The following NAALADL2 variants were observed in gnomAD, a reference collection of about 807,000 sequenced individuals.
The protein encoded by NAALADL2 is N-acetylated alpha-linked acidic dipeptidase like 2, also known as inactive N-acetylated-alpha-linked acidic dipeptidase-like protein 2.
In NAALADL2, 76 loss-of-function variants were observed where a neutral mutation model predicts 87.2. The ratio of observed to expected loss-of-function variants is 0.87; its 90% CI spans 0.72 to 1.05. NAALADL2 has a LOEUF of 1.05. Among genes scored for constraint, NAALADL2 ranks in the 50% least tolerant of loss-of-function variants. NAALADL2 has a pLI of 0.00. For synonymous variants in NAALADL2, 354 were observed against 331.0 expected (o/e 1.07, Z -0.75); for missense variants, 1,089 against 945.8 (o/e 1.15, Z -1.99).
At chr3:174,909,991 A>C (rs914157094) in intron 1 of NAALADL2, among the ~76,000 whole-genome samples, 1 of 152,124 alleles carries the variant, frequency 6.6e-6, no homozygotes, top group African/African-American at 2.4e-5. Context: ...ATTCAAATAG[A>C]GATTATAAAG....
At chr3:175,766,600 G>A (rs1285376867) in intron 13 of NAALADL2, among the ~76,000 whole-genome samples, 2 of 152,118 alleles carry the variant, frequency 1.3e-5, no homozygotes, top group Non-Finnish European at 2.9e-5. Flanking sequence ...ATGAAATCAT[G>A]TTAGACATTT....
chr3:175,292,714 G>A (rs573949651), intron 4 of NAALADL2, among the ~76,000 whole-genome samples: 2 of 151,956 alleles, frequency 1.3e-5, no homozygotes, highest in South Asian at 4.2e-4. Flanking sequence ...CCATGAGGTA[G>A]GCTGTGTACA....
At chr3:174,988,337 GA>G (rs890237247) in intron 1 of NAALADL2, among the ~76,000 whole-genome samples, 9 of 152,102 alleles carry the variant, frequency 5.9e-5, no homozygotes, top group African/African-American at 2.2e-4. Context: ...GAAGAGGAAG[GA>G]AAATAACTTA....
rs1199534497 is a variant in NAALADL2 at position 175,784,667 on chromosome 3, T to C, written c.2190-18338T>C. On this transcript the variant is annotated intron_variant, in intron 13 of 13. Coordinates refer to ENST00000454872, the MANE Select transcript of NAALADL2 (RefSeq NM_207015.3). ...TTCAAAAAACCAGCTCCTGGATTCA[T>C]TAATTTTTTGAAGGGTTTTTTGTGT... Among the ~76,000 whole-genome samples the C allele has an allele frequency of 4.3e-5, 6 of 138,554 alleles. No individual in the cohort carries two copies. In the East Asian group the frequency reaches 8.1e-4, roughly 19 times the overall value. The allele number at this position is 138,554 out of a possible 152,430, so 90.9% of individuals were successfully genotyped here. A position where few individuals can be genotyped will look rare whatever the true frequency, so the allele number is the denominator to read the frequency against.
At chr3:175,747,548 G>T (rs1746087313) in intron 12 of NAALADL2, among the ~76,000 whole-genome samples, 1 of 152,018 alleles carries the variant, frequency 6.6e-6, no homozygotes, top group Non-Finnish European at 1.5e-5. Flanking sequence ...AAAAATGTTT[G>T]TTGGTTTCTT....
At chr3:175,205,708 G>A (rs1740720053) in intron 2 of NAALADL2, among the ~76,000 whole-genome samples, 1 of 151,668 alleles carries the variant, frequency 6.6e-6, no homozygotes, top group Non-Finnish European at 1.5e-5. Context: ...CTGACAAAAG[G>A]CTAATATCCA....
In NAALADL2 at chr3:175,078,060, C is replaced by T. The variant is rs149430026; in HGVS notation, c.44-18730C>T. On this transcript the variant is annotated intron_variant, in intron 1 of 13. Transcript: ENST00000454872. ...TTTTTTTCTTGAGACAATCTCACTC[C>T]GTCACCCAGGCTGGTGTGCAGTGGC... Among the ~76,000 whole-genome samples the T allele has an allele frequency of 3.8e-3, 582 of 151,278 alleles. 1 individual carries two copies. Among genetic ancestry groups the T allele is most frequent in the African/African-American group, 0.013 (553 of 41,238 alleles).
chr3:174,530,749 C>T (rs1188685397), intron 1 of NAALADL2, among the ~76,000 whole-genome samples: 1 of 152,118 alleles, frequency 6.6e-6, no homozygotes, highest in Admixed American at 6.5e-5. Context: ...ATACTTACCC[C>T]CCACCGGGTC....
intron 4 of NAALADL2, among the ~76,000 whole-genome samples, chr3:175,287,471 A>G (rs1755125856): frequency 6.6e-6 from 1 of 152,124 alleles, no homozygotes; most frequent in Non-Finnish European, 1.5e-5. Flanking sequence ...CCTCATAACA[A>G]CCCATTGAAG....
At chr3:175,228,211 G>A (rs188830272) in intron 2 of NAALADL2, among the ~76,000 whole-genome samples, 25 of 152,014 alleles carry the variant, frequency 1.6e-4, no homozygotes, top group South Asian at 1.2e-3. Context: ...GAGATAATGT[G>A]CCAAATGGTA....
chr3:175,659,735 T>C (rs539395995), intron 11 of NAALADL2, among the ~76,000 whole-genome samples: 1 of 152,316 alleles, frequency 6.6e-6, no homozygotes, highest in South Asian at 2.1e-4. Context: ...TTTATCATTT[T>C]GTAAAATTTA....
intron 5 of NAALADL2, among the ~76,000 whole-genome samples, chr3:175,446,755 C>T (rs1244052673): frequency 6.6e-6 from 1 of 152,110 alleles, no homozygotes; most frequent in Admixed American, 6.6e-5. Flanking sequence ...TAATAGGTAC[C>T]TGGTGTTGAC....
At chr3:174,887,653 C>T (rs766432163) in intron 1 of NAALADL2, among the ~76,000 whole-genome samples, 11 of 151,966 alleles carry the variant, frequency 7.2e-5, no homozygotes, top group Admixed American at 1.3e-4. Flanking sequence ...AAAAATTAGT[C>T]GGGCTTGGTG....
chr3:174,747,356 T>A (rs1082580), intron 3 of NAALADL2, among the ~76,000 whole-genome samples: 1 of 151,844 alleles, frequency 6.6e-6, no homozygotes, highest in Middle Eastern at 3.4e-3. Context: ...ATCAGAGAAA[T>A]GCAAATCAAT....
At chr3:175,298,016 C>A (rs1006963493) in intron 4 of NAALADL2, among the ~76,000 whole-genome samples, 3 of 152,048 alleles carry the variant, frequency 2.0e-5, no homozygotes, top group Non-Finnish European at 4.4e-5. Context: ...TACAACAATG[C>A]TTGGCATATA....
intron 9 of NAALADL2, among the ~76,000 whole-genome samples, chr3:175,507,503 GC>G (rs765851628): frequency 6.6e-6 from 1 of 151,692 alleles, no homozygotes; most frequent in Non-Finnish European, 1.5e-5. Flanking sequence ...GCTCACTGCA[GC>G]CCCCGCCTCC....
At chr3:174,776,881 C>T (rs1715277902) in intron 3 of NAALADL2, among the ~76,000 whole-genome samples, 1 of 152,230 alleles carries the variant, frequency 6.6e-6, no homozygotes, top group East Asian at 1.9e-4. Context: ...TAATTCAGTT[C>T]CGAGTGCACA....
At chr3:174,916,212 C>CAACAGAT (rs927481178) in intron 1 of NAALADL2, among the ~76,000 whole-genome samples, 3 of 151,974 alleles carry the variant, frequency 2.0e-5, no homozygotes, top group African/African-American at 7.2e-5. Flanking sequence ...AAGTCAAAAA[C>CAACAGAT]AACAGATGTT....
intron 13 of NAALADL2, among the ~76,000 whole-genome samples, chr3:175,777,532 C>CTGT (rs1449775972): frequency 6.6e-6 from 1 of 152,098 alleles, no homozygotes; most frequent in Non-Finnish European, 1.5e-5. Flanking sequence ...TTAGTATCTA[C>CTGT]TGTTTGGAAA....
Sources: gnomAD v4.1 joint callset for allele counts (sites outside exome capture counted in the v4.1 genomes callset) on GRCh38, gnomAD v4.1.1 for gene constraint, MANE v1.5 for transcripts, NCBI Gene and HGNC (gene_info 2026-07-23, HGNC 2026-07-21) for gene names.